Variants in GRIN3A observed in about 807,000 individuals in gnomAD.
GRIN3A encodes glutamate receptor ionotropic, NMDA 3A.
GRIN3A carries 47 observed loss-of-function variants against 92.4 expected under a neutral mutation model. That is an observed-to-expected ratio of 0.51 (90% confidence interval 0.40 to 0.65). GRIN3A has a LOEUF of 0.65. Ranked by LOEUF, GRIN3A falls within the 30% of genes least tolerant of loss-of-function variation. GRIN3A has a pLI of 0.00. For missense variants in GRIN3A, 1,324 were observed against 1,393.1 expected, an observed-to-expected ratio of 0.95 and a Z score of 0.79; for synonymous variants, 527 against 540.6, an observed-to-expected ratio of 0.97 and a Z score of 0.35.
At chr9:101,644,746 T>C (rs960289568) in intron 3 of GRIN3A, among the ~76,000 whole-genome samples, 1 of 151,984 alleles carries the variant, frequency 6.6e-6, no homozygotes, top group African/African-American at 2.4e-5. Context: ...TATTGCCTTC[T>C]TCAGAAGTAG....
chr9:101,613,630 C>T (rs1326402657), intron 5 of GRIN3A, 103 bp from the exon 6 acceptor site: 20 of 1,080,402 alleles, frequency 1.9e-5, no homozygotes, highest in Middle Eastern at 2.3e-4. Context: ...AAAAAAAGGG[C>T]GTGATGAGTT....
rs781184486 is a variant in GRIN3A at position 101,573,173 on chromosome 9, C to G, written c.*1G>C. 1 of 1,612,902 alleles carries G rather than the reference C, an allele frequency of 6.2e-7. No individual in the cohort carries two copies. The highest frequency in any genetic ancestry group is 8.5e-7 in the Non-Finnish European group (1 of 1,178,944). Reference sequence around the variant, plus strand: ...CTGAGAAAGGGAAGCAGTGTGGTCACCTAGGACTCACAAGTCCGACTTGTC... The same window carrying G: ...CTGAGAAAGGGAAGCAGTGTGGTCAGCTAGGACTCACAAGTCCGACTTGTC... On this transcript the variant is annotated 3_prime_UTR_variant, in exon 9 of 9. Transcript: ENST00000361820.
At chr9:101,583,866 G>C (rs1827919361) in intron 6 of GRIN3A, among the ~76,000 whole-genome samples, 1 of 152,056 alleles carries the variant, frequency 6.6e-6, no homozygotes, top group Admixed American at 6.5e-5. Flanking sequence ...TGATTTGATT[G>C]GATTTTTTGA....
intron 8 of GRIN3A, among the ~76,000 whole-genome samples, chr9:101,576,543 CTTCCTGTTTCTATTA>C (rs1225445559): frequency 1.3e-5 from 2 of 152,246 alleles, no homozygotes; most frequent in East Asian, 3.9e-4. Context: ...GATCATTGGG[CTTCCTGTTTCTATTA>C]TAGCTGGAAA....
chr9:101,728,384 C>G (rs371955172), intron 1 of GRIN3A, among the ~76,000 whole-genome samples: 1 of 152,080 alleles, frequency 6.6e-6, no homozygotes, highest in African/African-American at 2.4e-5. Flanking sequence ...CAACCCATTT[C>G]TAAGTTATTC....
At chr9:101,667,343 A>T (rs1263331672) in intron 3 of GRIN3A, among the ~76,000 whole-genome samples, 1 of 151,912 alleles carries the variant, frequency 6.6e-6, no homozygotes, top group African/African-American at 2.4e-5. Context: ...TCCTCCCTGG[A>T]CACACATTCT....
intron 3 of GRIN3A, among the ~76,000 whole-genome samples, chr9:101,637,283 T>C (rs12341998): frequency 0.014 from 2,091 of 152,138 alleles, 51 homozygotes; most frequent in African/African-American, 0.046. Flanking sequence ...TCAGTAGAGA[T>C]GGGGTTTCAC....
intron 2 of GRIN3A, among the ~76,000 whole-genome samples, chr9:101,679,392 A>G (rs1270344169): frequency 2.0e-5 from 3 of 152,168 alleles, no homozygotes; most frequent in African/African-American, 4.8e-5. Flanking sequence ...AGATTAAGTA[A>G]ATTTGAGCTG....
At chr9:101,658,697 G>C (rs1829124118) in intron 3 of GRIN3A, among the ~76,000 whole-genome samples, 1 of 151,818 alleles carries the variant, frequency 6.6e-6, no homozygotes, top group Admixed American at 6.6e-5. Context: ...TATTCTGAAA[G>C]TAAGCTATGA....
rs757639217 is a variant in GRIN3A, at chr9:101,687,055, A to C, written c.845T>G (p.Leu282Arg). Residue 282 changes from leucine (L) to arginine (R), a missense_variant, in exon 2 of 9, where the codon CTT becomes CGT. Physicochemically the swap from Leu to Arg is moderately radical, Grantham distance 102. Transcript: ENST00000361820. The part of the protein sequence containing the change: ...EDWNITDFLL[L>R]TQNNSKFHLG... Reference sequence around the variant, plus strand: ...GTGGAACTTGGAATTATTCTGGGTAAGGAGGAGGAAGTCGGTGATGTTCCA... The same window carrying C: ...GTGGAACTTGGAATTATTCTGGGTACGGAGGAGGAAGTCGGTGATGTTCCA... 16 of 1,614,148 alleles carry C rather than the reference A, an allele frequency of 9.9e-6. No homozygotes were observed. The highest frequency in any genetic ancestry group is 1.4e-5 in the Non-Finnish European group (16 of 1,180,008).
intron 3 of GRIN3A, among the ~76,000 whole-genome samples, chr9:101,668,534 AG>A (rs1318038896): frequency 6.6e-6 from 1 of 152,124 alleles, no homozygotes; most frequent in Non-Finnish European, 1.5e-5. Flanking sequence ...TGCTGATGCC[AG>A]TGCAGAATGT....
chr9:101,684,537 A>G (rs1829506481), intron 2 of GRIN3A, among the ~76,000 whole-genome samples: 1 of 152,124 alleles, frequency 6.6e-6, no homozygotes. Context: ...TCACAGACAA[A>G]TAATGAGGAT....
rs562476737 is a variant in GRIN3A, at chr9:101,727,701, T to C, written c.699+9580A>G. On this transcript the variant is annotated intron_variant, in intron 1 of 8. Transcript: ENST00000361820. The stretch of plus-strand genomic sequence containing the variant: ...TTAGTAGAAGGCAGAAGAAGATCTT[T>C]TTGGTGAATTAATCTACATTTTCCA... 1.4e-4 allele frequency among the ~76,000 whole-genome samples: 21 copies of C among 151,918 alleles called. No individual in the cohort carries two copies. The South Asian group carries it at 2.9e-3, about 21-fold the overall frequency.
intron 2 of GRIN3A, among the ~76,000 whole-genome samples, chr9:101,683,344 T>G (rs1829487445): frequency 6.6e-6 from 1 of 152,170 alleles, no homozygotes; most frequent in South Asian, 2.1e-4. Flanking sequence ...CCTCCCGACT[T>G]TCATTATGCA....
intron 1 of GRIN3A, among the ~76,000 whole-genome samples, chr9:101,696,343 CA>C (rs1315947073): frequency 6.6e-6 from 1 of 152,184 alleles, no homozygotes; most frequent in East Asian, 1.9e-4. Context: ...ATAGTGGAAT[CA>C]ATAACCCAGT....
chr9:101,674,501 G>A (rs374943815), intron 2 of GRIN3A, among the ~76,000 whole-genome samples: 42 of 152,120 alleles, frequency 2.8e-4, no homozygotes, highest in African/African-American at 9.4e-4. Flanking sequence ...ATTTAAGAGG[G>A]CCAAATGTAC....
At chr9:101,691,652 C>T (rs948129719) in intron 1 of GRIN3A, among the ~76,000 whole-genome samples, 3 of 152,128 alleles carry the variant, frequency 2.0e-5, no homozygotes, top group Non-Finnish European at 2.9e-5. Context: ...TGGTTGGAGC[C>T]ACCATCTGCT....
Position 101,670,992 on chromosome 9 carries a change from C to T in GRIN3A, c.1420G>A (p.Gly474Arg). The T allele has an allele frequency of 1.2e-6, 2 of 1,613,948 alleles. No homozygotes were observed. Among genetic ancestry groups the T allele is most frequent in the African/African-American group, 1.3e-5 (1 of 75,002 alleles). Residue 474 changes from glycine (G) to arginine (R), a missense_variant, in exon 3 of 9, where the codon GGA becomes AGA. By Grantham distance (125) the Gly-to-Arg change is moderately radical. Coordinates refer to ENST00000361820, the MANE Select transcript of GRIN3A (RefSeq NM_133445.3). The stretch of plus-strand genomic sequence containing the variant: ...CCCAAGCGGGTCCACATTGGCTTTC[C>T]CATGGGGTCATGTTGAAGATTCCAG... The part of the protein sequence containing the change: ...FIWNLQHDPM[G>R]KPMWTRLGSW...
At chr9:101,592,785 C>G (rs1260221555) in intron 6 of GRIN3A, 1 of 150,510 alleles carries the variant, frequency 6.6e-6, no homozygotes, top group Admixed American at 6.6e-5. Flanking sequence ...TTGGTCAAGA[C>G]CAGTTGCCAG....
Sources: allele counts gnomAD v4.1 joint callset (sites outside exome capture counted in the v4.1 genomes callset), GRCh38; gene constraint gnomAD v4.1.1; transcripts MANE v1.5; gene names NCBI Gene and HGNC (gene_info 2026-07-23, HGNC 2026-07-21).